Variants in TRAPPC9 observed in about 807,000 individuals in gnomAD.
TRAPPC9 encodes the protein IKK2 binding protein.
Under a neutral mutation model 124.0 loss-of-function variants are expected in TRAPPC9, and 83 were observed. The observed-to-expected ratio is 0.67, with a 90% CI of 0.56 to 0.80. TRAPPC9 has a LOEUF of 0.80. Ranked by LOEUF, TRAPPC9 falls within the 30% of genes least tolerant of loss-of-function variation. TRAPPC9 has a pLI of 0.00. For synonymous variants in TRAPPC9, 638 were observed against 617.5 expected (o/e 1.03, Z -0.49); for missense variants, 1,302 against 1,508.3 (o/e 0.86, Z 2.27).
intron 21 of TRAPPC9, among the ~76,000 whole-genome samples, chr8:139,760,202 A>C (rs1388807707): frequency 2.0e-5 from 3 of 152,102 alleles, no homozygotes; most frequent in Non-Finnish European, 2.9e-5. Context: ...TAGGGGAAGG[A>C]GGGTGGACGT....
chr8:140,259,312 C>T (rs538766858), intron 15 of TRAPPC9, among the ~76,000 whole-genome samples: 31 of 152,324 alleles, frequency 2.0e-4, no homozygotes, highest in African/African-American at 7.2e-4. Context: ...TGGGCTCCAA[C>T]ACACACGCCT....
Position 139,907,323 on chromosome 8 carries a change from G to C in TRAPPC9, c.2964+2824C>G, listed in dbSNP as rs150819064. Among the ~76,000 whole-genome samples the C allele has an allele frequency of 3.1e-3, 474 of 152,260 alleles. 4 individuals carry two copies. Among genetic ancestry groups the C allele is most frequent in the Non-Finnish European group, 4.5e-3 (309 of 68,026 alleles). On this transcript the variant is annotated intron_variant, in intron 20 of 22. Transcript: ENST00000438773. This position sits in a 1 kb window ranked among gnomAD's most constrained non-coding sequence, Gnocchi z 4.7. Reference sequence around the variant, plus strand: ...CAGGTGGGCAACTGCTACAACTATGGACGGGTATCAAATTAAGCTCAAATG... The same window carrying C: ...CAGGTGGGCAACTGCTACAACTATGCACGGGTATCAAATTAAGCTCAAATG...
At chr8:140,267,512 A>C (rs1308262403) in intron 15 of TRAPPC9, among the ~76,000 whole-genome samples, 1 of 152,254 alleles carries the variant, frequency 6.6e-6, no homozygotes, top group Non-Finnish European at 1.5e-5. Flanking sequence ...CTAAGGATGC[A>C]GCAGTGAAAT....
intron 5 of TRAPPC9, among the ~76,000 whole-genome samples, chr8:140,415,339 C>A (rs75186353): frequency 0.038 from 5,781 of 151,092 alleles, 155 homozygotes; most frequent in Non-Finnish European, 0.059. Flanking sequence ...AGATCACTTG[C>A]GGTCAGGAGT....
At chr8:140,284,247 G>A (rs1226288787) in intron 13 of TRAPPC9, among the ~76,000 whole-genome samples, 2 of 152,204 alleles carry the variant, frequency 1.3e-5, no homozygotes, top group South Asian at 2.1e-4. Context: ...GTTTCACAAG[G>A]CTGGCTGGGC....
intron 21 of TRAPPC9, among the ~76,000 whole-genome samples, chr8:139,837,824 C>T (rs1447124738): frequency 6.6e-6 from 1 of 152,154 alleles, no homozygotes; most frequent in East Asian, 1.9e-4. Flanking sequence ...ATTCTCCTTC[C>T]AGAGTCCATC....
chr8:140,001,034 A>G (rs541700206), intron 18 of TRAPPC9, among the ~76,000 whole-genome samples: 1 of 152,352 alleles, frequency 6.6e-6, no homozygotes, highest in South Asian at 2.1e-4. Flanking sequence ...CATATATACC[A>G]TGGAATACTA....
chr8:140,348,770 A>G (rs1414415041), intron 9 of TRAPPC9, among the ~76,000 whole-genome samples: 1 of 152,214 alleles, frequency 6.6e-6, no homozygotes, highest in Non-Finnish European at 1.5e-5. Context: ...GAACATGCCA[A>G]AAAGCTGAAG....
intron 19 of TRAPPC9, 40 bp downstream of exon 19, chr8:139,988,686 G>A (rs946404727): frequency 1.5e-6 from 2 of 1,370,728 alleles, no homozygotes; most frequent in Non-Finnish European, 1.0e-6. Context: ...TGAAGGCAGA[G>A]GGTGGCCTGC....
chr8:139,957,736 C>T (rs1432407165), intron 19 of TRAPPC9, among the ~76,000 whole-genome samples: 3 of 152,162 alleles, frequency 2.0e-5, no homozygotes, highest in Non-Finnish European at 2.9e-5. Context: ...GTGGCTCACT[C>T]GCTTGCTCAG....
At chr8:140,158,412 C>T (rs897814702) in intron 17 of TRAPPC9, among the ~76,000 whole-genome samples, 6 of 152,270 alleles carry the variant, frequency 3.9e-5, no homozygotes, top group Non-Finnish European at 7.4e-5. Flanking sequence ...GAGGAAGGAG[C>T]CACAAGCCAA....
At chr8:140,437,921 G>A (rs529125080) in intron 3 of TRAPPC9, among the ~76,000 whole-genome samples, 12 of 152,260 alleles carry the variant, frequency 7.9e-5, no homozygotes, top group South Asian at 6.2e-4. Context: ...CAGGGCACCC[G>A]CTCTGCCGAC....
chr8:139,966,793 T>C (rs56673086), intron 19 of TRAPPC9, among the ~76,000 whole-genome samples: 3,552 of 152,250 alleles, frequency 0.023, 128 homozygotes, highest in African/African-American at 0.08. Flanking sequence ...CGTGCATCAA[T>C]ACATATCATG....
intron 7 of TRAPPC9, among the ~76,000 whole-genome samples, chr8:140,380,654 C>CAAAAAAA (rs563391017): frequency 1.6e-4 from 8 of 48,598 alleles, no homozygotes; most frequent in Admixed American, 2.7e-4. Context: ...GACTCTGTCT[C>CAAAAAAA]AAAAAAAAAA....
At chr8:140,092,144 T>A (rs1844608835) in intron 17 of TRAPPC9, among the ~76,000 whole-genome samples, 1 of 151,534 alleles carries the variant, frequency 6.6e-6, no homozygotes, top group Non-Finnish European at 1.5e-5. Context: ...TTATGTACTC[T>A]ACTAATAAAA....
At chr8:140,242,839 A>G (rs2063892656) in intron 16 of TRAPPC9, among the ~76,000 whole-genome samples, 1 of 152,214 alleles carries the variant, frequency 6.6e-6, no homozygotes. Flanking sequence ...CTACAGGAGG[A>G]CTGGCCAGTC....
At chr8:140,107,538 T>C (rs545186296) in intron 17 of TRAPPC9, among the ~76,000 whole-genome samples, 4 of 152,340 alleles carry the variant, frequency 2.6e-5, no homozygotes, top group African/African-American at 9.6e-5. Context: ...CGTCCAGAAT[T>C]GGAGGCAAAT....
At chr8:140,196,062 A>G (rs1269494691) in intron 17 of TRAPPC9, among the ~76,000 whole-genome samples, 2 of 51,810 alleles carry the variant, frequency 3.9e-5, no homozygotes, top group African/African-American at 1.8e-4. Flanking sequence ...AACAATTCAC[A>G]TACAGACCAC....
intron 17 of TRAPPC9, among the ~76,000 whole-genome samples, chr8:140,157,002 T>TTTCCATTCAGAAGCCTCCC (rs151118440): frequency 4.5e-5 from 1 of 22,136 alleles, no homozygotes; most frequent in Admixed American, 3.8e-4. Context: ...AAAGCCTCCC[T>TTTCCATTCAGAAGCCTCCC]TTTCCATTCA....
Sources: allele counts gnomAD v4.1 joint callset (sites outside exome capture counted in the v4.1 genomes callset), GRCh38; gene constraint gnomAD v4.1.1; non-coding constraint Gnocchi (gnomAD v3.1); transcripts MANE v1.5; gene names NCBI Gene and HGNC (gene_info 2026-07-23, HGNC 2026-07-21).